MORN1: variants seen among roughly 807,000 people sequenced by gnomAD.
MORN1 encodes MORN repeat-containing protein 1.
In MORN1, 67 loss-of-function variants were observed where a neutral mutation model predicts 61.9. The ratio of observed to expected loss-of-function variants is 1.08; its 90% CI spans 0.89 to 1.33. The LOEUF is 1.33. Ranked by LOEUF, MORN1 falls within the 40% of genes most tolerant of loss-of-function variation. The pLI is 0.00. For missense variants in MORN1, 752 were observed against 691.2 expected (o/e 1.09, Z -0.99); for synonymous variants, 301 against 292.0 (o/e 1.03, Z -0.31).
rs1383196448 is a variant in MORN1 at position 2,372,163 on chromosome 1, C to T, written c.745+318G>A. 7.3e-6 allele frequency: 2 copies of T among 272,658 alleles called. No homozygotes were observed. Among genetic ancestry groups the T allele is most frequent in the Non-Finnish European group, 1.4e-5 (2 of 140,006 alleles). 16.9% of individuals were successfully genotyped at this position (272,658 alleles called of 1,614,324 possible). A position where few individuals can be genotyped will look rare whatever the true frequency, so the allele number is the denominator to read the frequency against. ...TAAAAAGGAAGGACACTCTGACACACGTGCACGCGTGCCCCCCCACACGTA... is the reference window on the plus strand; with the variant it reads ...TAAAAAGGAAGGACACTCTGACACATGTGCACGCGTGCCCCCCCACACGTA... On this transcript the variant is annotated intron_variant, in intron 8 of 13. Transcript: ENST00000378531. The surrounding 1 kb of genome is among the most constrained non-coding windows in gnomAD (Gnocchi z 5.4).
chr1:2,339,869 G>T (rs1325821277), intron 10 of MORN1, among the ~76,000 whole-genome samples: 2 of 152,264 alleles, frequency 1.3e-5, no homozygotes, highest in Non-Finnish European at 2.9e-5. Context: ...GAGGGCACGG[G>T]AAGGCCCAGC....
At chr1:2,382,969 G>A (rs138942010) in intron 6 of MORN1, among the ~76,000 whole-genome samples, 450 of 152,196 alleles carry the variant, frequency 3.0e-3, no homozygotes, top group Middle Eastern at 0.014. Context: ...TGCACCTCCC[G>A]CCTGACCACC....
chr1:2,335,680 AG>A (rs1641249527), intron 12 of MORN1, among the ~76,000 whole-genome samples: 1 of 152,188 alleles, frequency 6.6e-6, no homozygotes, highest in Non-Finnish European at 1.5e-5. Flanking sequence ...CAAGGAAACA[AG>A]AGCGAGTGCC....
At chr1:2,352,549 C>T (rs975888632) in intron 10 of MORN1, 12 of 152,436 alleles carry the variant, frequency 7.9e-5, no homozygotes, top group Admixed American at 5.2e-4. Flanking sequence ...ACAGGGTCAG[C>T]GGCGGGGAGC....
intron 8 of MORN1, among the ~76,000 whole-genome samples, chr1:2,364,622 T>G (rs908178936): frequency 6.6e-6 from 1 of 151,050 alleles, no homozygotes; most frequent in South Asian, 2.1e-4. Context: ...GTTTTAGACA[T>G]GAAGTCCTTG....
intron 13 of MORN1, chr1:2,323,550 G>A: frequency 3.0e-6 from 3 of 985,362 alleles, no homozygotes; most frequent in Non-Finnish European, 3.6e-6. Context: ...TGGTGGGGGG[G>A]TGCCAGGCCC....
chr1:2,325,140 C>T (rs9725291), intron 12 of MORN1, among the ~76,000 whole-genome samples: 739 of 6,600 alleles, frequency 0.11, 30 homozygotes, highest in African/African-American at 0.23. Context: ...CCTTCCCTCC[C>T]TCCCTCCCTT....
Position 2,374,565 on chromosome 1 carries a change from G to C in MORN1, c.538-8C>G. On this transcript the variant is annotated splice_polypyrimidine_tract_variant and splice_region_variant and intron_variant, in intron 6 of 13. Transcript: ENST00000378531. ...GTCGCTGTGCCACTGTCCCTGCAGA[G>C]AGAAGGGTGAGGCTCAGGCTGGTGG... 1.3e-6 allele frequency: 2 copies of C among 1,578,112 alleles called. No individual in the cohort carries two copies. The highest frequency in any genetic ancestry group is 1.7e-6 in the Non-Finnish European group (2 of 1,161,808).
intron 12 of MORN1, among the ~76,000 whole-genome samples, chr1:2,330,895 G>A (rs530126768): frequency 4.1e-4 from 63 of 152,342 alleles, no homozygotes; most frequent in Non-Finnish European, 8.4e-4. Flanking sequence ...TCATGGCCAC[G>A]TTGATTAAAC....
At chr1:2,369,630 C>T (rs894323578) in intron 8 of MORN1, among the ~76,000 whole-genome samples, 1 of 152,130 alleles carries the variant, frequency 6.6e-6, no homozygotes, top group South Asian at 2.1e-4. Flanking sequence ...CAATTGTAGT[C>T]TACGGCAACC....
At chr1:2,378,090 C>G (rs1227913860) in intron 6 of MORN1, 1 of 152,346 alleles carries the variant, frequency 6.6e-6, no homozygotes, top group Non-Finnish European at 1.5e-5. Flanking sequence ...TTCATGGTAA[C>G]AGTGAGGACC....
chr1:2,384,424 T>A (rs1302725516), intron 6 of MORN1, among the ~76,000 whole-genome samples: 1 of 152,194 alleles, frequency 6.6e-6, no homozygotes, highest in African/African-American at 2.4e-5. Flanking sequence ...CACCCCCAAA[T>A]CTGCCTCTTT....
intron 11 of MORN1, 54 bp downstream of exon 11, chr1:2,336,663 C>G: frequency 6.4e-7 from 1 of 1,561,140 alleles, no homozygotes; most frequent in South Asian, 1.2e-5. Context: ...GGTGGGTGGG[C>G]AGGGATAGTC....
intron 6 of MORN1, chr1:2,378,989 C>A (rs746341839): frequency 2.1e-6 from 1 of 470,348 alleles, no homozygotes; most frequent in East Asian, 6.9e-5. Flanking sequence ...AGCTGTAACA[C>A]GTTTATTTTC....
intron 8 of MORN1, among the ~76,000 whole-genome samples, chr1:2,368,509 T>C (rs1040266433): frequency 6.6e-6 from 1 of 152,192 alleles, no homozygotes; most frequent in African/African-American, 2.4e-5. Context: ...GATGGTAAAC[T>C]GGCATGATGC....
intron 2 of MORN1, among the ~76,000 whole-genome samples, chr1:2,389,113 CA>C (rs549291051): frequency 1.5e-3 from 167 of 112,928 alleles, no homozygotes; most frequent in Admixed American, 1.9e-3. Flanking sequence ...ACTCTGTCTC[CA>C]AAAAAAAAAA....
chr1:2,366,221 G>A (rs543142366), intron 8 of MORN1, among the ~76,000 whole-genome samples: 134 of 150,180 alleles, frequency 8.9e-4, no homozygotes, highest in African/African-American at 3.0e-3. Context: ...GTAAACTATC[G>A]CAAGAACAAA....
chr1:2,366,358 A>C (rs1641996122), intron 8 of MORN1, among the ~76,000 whole-genome samples: 2 of 151,614 alleles, frequency 1.3e-5, no homozygotes, highest in Admixed American at 6.6e-5. Context: ...GGATAGCTTT[A>C]GGAGATATAC....
At chr1:2,345,907 C>T (rs963120139) in intron 10 of MORN1, among the ~76,000 whole-genome samples, 1 of 152,166 alleles carries the variant, frequency 6.6e-6, no homozygotes, top group African/African-American at 2.4e-5. Context: ...ACGCCCCAGG[C>T]CCATGGGTTC....
Sources: allele counts gnomAD v4.1 joint callset (sites outside exome capture counted in the v4.1 genomes callset), GRCh38; gene constraint gnomAD v4.1.1; non-coding constraint Gnocchi (gnomAD v3.1); transcripts MANE v1.5; gene names NCBI Gene and HGNC (gene_info 2026-07-23, HGNC 2026-07-21).